The following AGBL4 variants were observed in gnomAD, a reference collection of about 807,000 sequenced individuals.
AGBL4 encodes cytosolic carboxypeptidase 6.
In AGBL4, 58 loss-of-function variants were observed where a neutral mutation model predicts 66.4. The observed-to-expected ratio is 0.87, with a 90% CI of 0.71 to 1.09. AGBL4 has a LOEUF of 1.09. AGBL4 is among the 50% of genes least tolerant of loss of function. The pLI is 0.00. For synonymous variants in AGBL4, 234 were observed against 222.9 expected (o/e 1.05, Z -0.44); for missense variants, 579 against 631.0 (o/e 0.92, Z 0.88).
intron 3 of AGBL4, among the ~76,000 whole-genome samples, chr1:49,359,676 T>G (rs1054086686): frequency 6.6e-6 from 1 of 152,240 alleles, no homozygotes; most frequent in East Asian, 1.9e-4. Flanking sequence ...GGCAGCAAAG[T>G]TGACAAATAT....
At chr1:48,738,250 C>T (rs534311974) in intron 6 of AGBL4, among the ~76,000 whole-genome samples, 7 of 152,308 alleles carry the variant, frequency 4.6e-5, no homozygotes, top group African/African-American at 1.2e-4. Flanking sequence ...AATCTACCTG[C>T]ACGTCTGACT....
At chr1:49,139,284 C>A (rs1050650528) in intron 4 of AGBL4, among the ~76,000 whole-genome samples, 8 of 152,168 alleles carry the variant, frequency 5.3e-5, no homozygotes, top group African/African-American at 1.9e-4. Flanking sequence ...GCAAACCTCA[C>A]AATCACCTTG....
intron 5 of AGBL4, among the ~76,000 whole-genome samples, chr1:48,896,375 A>G (rs1032016072): frequency 1.3e-5 from 2 of 152,266 alleles, no homozygotes; most frequent in Non-Finnish European, 2.9e-5. Context: ...TAAAACAAGA[A>G]AACTAATACC....
At chr1:49,476,889 C>T (rs1646857617) in intron 3 of AGBL4, among the ~76,000 whole-genome samples, 1 of 151,956 alleles carries the variant, frequency 6.6e-6, no homozygotes, top group Non-Finnish European at 1.5e-5. Flanking sequence ...GACTGAAGAG[C>T]CCTTGGGCCT....
chr1:49,714,909 CTCT>C (rs1647973868), intron 2 of AGBL4, among the ~76,000 whole-genome samples: 1 of 151,950 alleles, frequency 6.6e-6, no homozygotes, highest in Non-Finnish European at 1.5e-5. Context: ...TATAACCATT[CTCT>C]TTTCTATGCA....
intron 2 of AGBL4, among the ~76,000 whole-genome samples, chr1:49,809,658 T>C (rs1395218589): frequency 6.6e-6 from 1 of 152,198 alleles, no homozygotes; most frequent in East Asian, 1.9e-4. Context: ...GTAAGTCTCA[T>C]GTTAATTGTT....
At position 48,825,692 on chromosome 1, in the gene AGBL4, A is replaced by G. The variant is rs562874822; in HGVS notation, c.634+41499T>C. Among the ~76,000 whole-genome samples, 4 of 152,362 alleles carry G rather than the reference A, an allele frequency of 2.6e-5. No homozygotes were observed. In the South Asian group the frequency reaches 8.3e-4, roughly 32 times the overall value. On this transcript the variant is annotated intron_variant, in intron 6 of 13. Transcript: ENST00000371839. ...GGGGAAAGGGCATTTTCCTCAGAAG[A>G]AAGAGCATGAGCAAAGGCAAAGAAG...
At chr1:49,570,589 A>T (rs777791220) in intron 3 of AGBL4, among the ~76,000 whole-genome samples, 4 of 151,892 alleles carry the variant, frequency 2.6e-5, no homozygotes, top group Non-Finnish European at 5.9e-5. Flanking sequence ...CTTTTTAGTT[A>T]AATTAAGTCT....
At chr1:49,532,663 A>C (rs1023289785) in intron 3 of AGBL4, among the ~76,000 whole-genome samples, 10 of 152,120 alleles carry the variant, frequency 6.6e-5, no homozygotes, top group African/African-American at 2.4e-4. Flanking sequence ...TTTTACAAAG[A>C]AAAGGGAATC....
intron 11 of AGBL4, among the ~76,000 whole-genome samples, chr1:48,544,178 T>A (rs1408597075): frequency 6.6e-6 from 1 of 152,174 alleles, no homozygotes; most frequent in Non-Finnish European, 1.5e-5. Context: ...TCTGTCCTCT[T>A]GTTTAAAAAG....
intron 5 of AGBL4, among the ~76,000 whole-genome samples, chr1:48,982,270 T>C (rs1488118818): frequency 6.6e-6 from 1 of 152,168 alleles, no homozygotes; most frequent in Non-Finnish European, 1.5e-5. Context: ...TATATATACA[T>C]GTGCCATGTT....
chr1:49,262,898 A>G (rs1380093913), intron 3 of AGBL4, among the ~76,000 whole-genome samples: 4 of 152,224 alleles, frequency 2.6e-5, no homozygotes, highest in Non-Finnish European at 5.9e-5. Flanking sequence ...AAGACTTGGA[A>G]GCAACCCAAA....
chr1:49,135,941 T>C (rs1435061222), intron 4 of AGBL4, among the ~76,000 whole-genome samples: 1 of 152,198 alleles, frequency 6.6e-6, no homozygotes, highest in Admixed American at 6.6e-5. Flanking sequence ...ACAGTGATTG[T>C]AACTGAATTG....
chr1:48,693,215 G>A (rs1531900), intron 6 of AGBL4, among the ~76,000 whole-genome samples: 27,100 of 152,130 alleles, frequency 0.18, 6,843 homozygotes, highest in African/African-American at 0.56. Flanking sequence ...GGGCAGGGCT[G>A]GGTGTAGATT....
intron 2 of AGBL4, among the ~76,000 whole-genome samples, chr1:49,765,947 T>C (rs767126478): frequency 6.6e-5 from 10 of 152,098 alleles, no homozygotes; most frequent in Non-Finnish European, 1.5e-4. Context: ...TGTAAAGTGA[T>C]GAAATCTATG....
intron 4 of AGBL4, among the ~76,000 whole-genome samples, chr1:49,109,452 CATCCCTTA>C: frequency 6.6e-6 from 1 of 152,328 alleles, no homozygotes; most frequent in South Asian, 2.1e-4. Flanking sequence ...TGGGTGGGGC[CATCCCTTA>C]ATCTAATCCA....
intron 2 of AGBL4, among the ~76,000 whole-genome samples, chr1:49,788,752 C>G (rs761717945): frequency 5.3e-5 from 8 of 152,060 alleles, no homozygotes; most frequent in Non-Finnish European, 1.0e-4. Flanking sequence ...GTTAACAAAG[C>G]TTCGTGGACG....
intron 3 of AGBL4, among the ~76,000 whole-genome samples, chr1:49,535,384 T>C (rs905687459): frequency 6.8e-6 from 1 of 147,970 alleles, no homozygotes; most frequent in Non-Finnish European, 1.5e-5. Context: ...TAATATATAA[T>C]AAGATAAGAT....
intron 3 of AGBL4, among the ~76,000 whole-genome samples, chr1:49,355,460 T>C (rs958755424): frequency 7.2e-5 from 11 of 152,162 alleles, no homozygotes; most frequent in Non-Finnish European, 1.5e-4. Flanking sequence ...AAAGCCACCA[T>C]CATTTCTCAC....
Sources: gnomAD v4.1 joint callset for allele counts (sites outside exome capture counted in the v4.1 genomes callset) on GRCh38, gnomAD v4.1.1 for gene constraint, MANE v1.5 for transcripts, NCBI Gene and HGNC (gene_info 2026-07-23, HGNC 2026-07-21) for gene names.